PELI2: variants seen among roughly 807,000 people sequenced by gnomAD.
PELI2 encodes the protein E3 ubiquitin-protein ligase pellino homolog 2.
A neutral mutation model predicts 42.3 loss-of-function variants in PELI2; 23 were observed. The ratio of observed to expected loss-of-function variants is 0.54; its 90% confidence interval spans 0.39 to 0.77. The LOEUF (loss-of-function observed/expected upper bound fraction) is 0.77. Among genes scored for constraint, PELI2 ranks in the 30% least tolerant of loss-of-function variants. The probability of loss-of-function intolerance (pLI) is 0.00; values close to 1 mark genes in which losing one functional copy is unlikely to be tolerated. For synonymous variants in PELI2, 245 were observed against 212.2 expected (o/e 1.15, Z -1.34); for missense variants, 463 against 553.2 (o/e 0.84, Z 1.64).
At chr14:56,283,150 A>G (rs1184257364) in intron 3 of PELI2, among the ~76,000 whole-genome samples, 1 of 152,144 alleles carries the variant, frequency 6.6e-6, no homozygotes, top group Non-Finnish European at 1.5e-5. Context: ...TGTATTCCGC[A>G]CTGTTGAACA....
chr14:56,131,566 A>G (rs944353204), intron 1 of PELI2, among the ~76,000 whole-genome samples: 2 of 152,248 alleles, frequency 1.3e-5, no homozygotes, highest in African/African-American at 4.8e-5. Flanking sequence ...TAAGCGACAC[A>G]AGGGTGAAAC....
At chr14:56,238,112 A>C (rs559024981) in intron 2 of PELI2, among the ~76,000 whole-genome samples, 1 of 122,230 alleles carries the variant, frequency 8.2e-6, no homozygotes, top group African/African-American at 2.7e-5. Context: ...AAAATCTCCT[A>C]AGTTGTTTAA....
chr14:56,187,733 A>C (rs1296773461), intron 2 of PELI2, among the ~76,000 whole-genome samples: 1 of 152,172 alleles, frequency 6.6e-6, no homozygotes, highest in Non-Finnish European at 1.5e-5. Flanking sequence ...TGTTGATCAT[A>C]ACCGTGTTCC....
intron 1 of PELI2, among the ~76,000 whole-genome samples, chr14:56,161,296 C>T (rs1180235326): frequency 6.7e-6 from 1 of 149,558 alleles, no homozygotes; most frequent in Non-Finnish European, 1.5e-5. Flanking sequence ...ATCTGTTCAT[C>T]TGTTTTTTTT....
intron 1 of PELI2, among the ~76,000 whole-genome samples, chr14:56,128,562 G>A (rs1433826209): frequency 6.6e-6 from 1 of 152,116 alleles, no homozygotes; most frequent in Non-Finnish European, 1.5e-5. Flanking sequence ...ATTTCCTGGG[G>A]CAGTTGGCCT....
At chr14:56,173,377 C>T (rs1385025224) in intron 1 of PELI2, among the ~76,000 whole-genome samples, 1 of 151,932 alleles carries the variant, frequency 6.6e-6, no homozygotes, top group Non-Finnish European at 1.5e-5. Context: ...GGGTTTTAGG[C>T]ATTCATATTT....
At chr14:56,262,978 T>C (rs1756053) in intron 2 of PELI2, among the ~76,000 whole-genome samples, 90,432 of 151,542 alleles carry the variant, frequency 0.6, 28,100 homozygotes, top group African/African-American at 0.78. Flanking sequence ...CACTCTGATG[T>C]TAAATGCCTT....
intron 1 of PELI2, among the ~76,000 whole-genome samples, chr14:56,155,833 CT>C (rs1263124962): frequency 6.6e-6 from 1 of 152,114 alleles, no homozygotes; most frequent in Non-Finnish European, 1.5e-5. Context: ...TCCGCCCCCC[CT>C]CAGCCTCCTA....
At chr14:56,258,581 A>T (rs377529474) in intron 2 of PELI2, among the ~76,000 whole-genome samples, 1 of 44,738 alleles carries the variant, frequency 2.2e-5, no homozygotes, top group African/African-American at 9.7e-5. Flanking sequence ...TGTCTGAAAT[A>T]AAAAAAAAAA....
chr14:56,167,375 T>G (rs1290924230), intron 1 of PELI2, among the ~76,000 whole-genome samples: 6 of 152,194 alleles, frequency 3.9e-5, no homozygotes, highest in Non-Finnish European at 4.4e-5. Context: ...TTCTTCTTTC[T>G]TTTGTCTCCT....
At chr14:56,159,984 A>G (rs74738364) in intron 1 of PELI2, among the ~76,000 whole-genome samples, 2 of 152,228 alleles carry the variant, frequency 1.3e-5, no homozygotes, top group East Asian at 3.9e-4. Flanking sequence ...ATTAGATAAT[A>G]TAGTTCTTTT....
intron 1 of PELI2, among the ~76,000 whole-genome samples, chr14:56,160,315 C>G (rs551632626): frequency 1.1e-4 from 17 of 152,226 alleles, no homozygotes; most frequent in Non-Finnish European, 1.8e-4. Context: ...AGGAAACAGA[C>G]TCTGAGAAGT....
At chr14:56,141,486 T>C (rs1883905439) in intron 1 of PELI2, among the ~76,000 whole-genome samples, 1 of 152,180 alleles carries the variant, frequency 6.6e-6, no homozygotes, top group South Asian at 2.1e-4. Flanking sequence ...ATAACTTATT[T>C]CATAGACCAG....
chr14:56,151,191 G>A (rs1884338166), intron 1 of PELI2, among the ~76,000 whole-genome samples: 2 of 152,238 alleles, frequency 1.3e-5, no homozygotes, highest in Admixed American at 6.5e-5. Context: ...TGGAGCAGTT[G>A]CAGGGGTTTA....
intron 2 of PELI2, among the ~76,000 whole-genome samples, chr14:56,207,928 G>A (rs909313979): frequency 2.6e-5 from 4 of 152,220 alleles, no homozygotes; most frequent in South Asian, 2.1e-4. Context: ...TGACAGGCAC[G>A]TTGGAGGTTG....
chr14:56,175,410 T>C (rs1790159679), intron 1 of PELI2, among the ~76,000 whole-genome samples: 3 of 152,240 alleles, frequency 2.0e-5, no homozygotes, highest in South Asian at 2.1e-4. Context: ...ATATTTGTTA[T>C]TGTGCCTTTC....
At chr14:56,207,694 C>G (rs1228277456) in intron 2 of PELI2, among the ~76,000 whole-genome samples, 1 of 152,186 alleles carries the variant, frequency 6.6e-6, no homozygotes, top group Non-Finnish European at 1.5e-5. Context: ...GAGCCCCTCA[C>G]TCCAGGTAGG....
intron 1 of PELI2, among the ~76,000 whole-genome samples, chr14:56,152,745 A>C (rs1376372070): frequency 1.3e-5 from 2 of 152,160 alleles, no homozygotes; most frequent in Admixed American, 1.3e-4. Flanking sequence ...TTTATAACCA[A>C]ATTAGTTTAT....
chr14:56,207,492 A>G (rs11623159), intron 2 of PELI2, among the ~76,000 whole-genome samples: 61,215 of 152,018 alleles, frequency 0.4, 13,035 homozygotes, highest in South Asian at 0.53. Context: ...CTAGAACATG[A>G]TATTATTGGG....
Sources: allele counts gnomAD v4.1 joint callset (sites outside exome capture counted in the v4.1 genomes callset), GRCh38; gene constraint gnomAD v4.1.1; transcripts MANE v1.5; gene names NCBI Gene and HGNC (gene_info 2026-07-23, HGNC 2026-07-21).